The following NCOA7 variants were observed in gnomAD, a reference collection of about 807,000 sequenced individuals.
The protein encoded by NCOA7 is 140 kDa estrogen receptor-associated protein.
Under a neutral mutation model 104.3 loss-of-function variants are expected in NCOA7, and 45 were observed. The ratio of observed to expected loss-of-function variants is 0.43; its 90% CI spans 0.34 to 0.55. The LOEUF is 0.55. Among genes scored for constraint, NCOA7 ranks in the 20% least tolerant of loss-of-function variants. The pLI is 0.02. For synonymous variants in NCOA7, 398 were observed against 402.3 expected, an observed-to-expected ratio of 0.99 and a Z score of 0.13; for missense variants, 1,041 against 1,119.7, an observed-to-expected ratio of 0.93 and a Z score of 1.00.
rs72969787 is a variant in NCOA7, at chr6:125,891,552, A to G, written c.2096+742A>G. 9.9e-3 allele frequency among the ~76,000 whole-genome samples: 1,508 copies of G among 152,312 alleles called. 7 individuals are homozygous for G. The highest frequency in any genetic ancestry group is 0.017 in the Middle Eastern group (5 of 294). ...GTTTTCAACACTGTTAAAACCATGC[A>G]TCTTGCCCCTTAAAAACATCATCAT... On this transcript the variant is annotated intron_variant, in intron 10 of 15. Transcript: ENST00000392477.
chr6:125,819,971 C>A (rs1344209277), intron 2 of NCOA7, among the ~76,000 whole-genome samples: 1 of 152,088 alleles, frequency 6.6e-6, no homozygotes, highest in African/African-American at 2.4e-5. Flanking sequence ...TTACTTTTCC[C>A]CTCTGATAAG....
intron 5 of NCOA7, among the ~76,000 whole-genome samples, chr6:125,880,830 C>G (rs1415850491): frequency 6.6e-6 from 1 of 152,168 alleles, no homozygotes; most frequent in Non-Finnish European, 1.5e-5. Flanking sequence ...CTGTGCCTGG[C>G]CTTGCTCTCC....
At chr6:125,872,644 A>C (rs963893467) in intron 3 of NCOA7, among the ~76,000 whole-genome samples, 3 of 152,218 alleles carry the variant, frequency 2.0e-5, no homozygotes, top group African/African-American at 7.2e-5. Flanking sequence ...AAAAACAAAC[A>C]ATTGAAATTT....
In NCOA7 at chr6:125,905,253, ATTTTTTTTTT is replaced by A. The variant is rs375646356; in HGVS notation, c.2097-10069_2097-10060del. Among the ~76,000 whole-genome samples the A allele has an allele frequency of 2.6e-4, 34 of 131,600 alleles. No individual in the cohort carries two copies. In the Middle Eastern group the frequency reaches 0.011, roughly 43 times the overall value. 86.3% of individuals were successfully genotyped at this position (131,600 alleles called of 152,430 possible). The stretch of plus-strand genomic sequence containing the variant: ...CTAGAGTGGTGAGGGAAGGAATAAG[ATTTTTTTTTT>A]TTTTTTTTTTGAGACAGAGTTTCAC... On this transcript the variant is annotated intron_variant, in intron 10 of 15. Coordinates refer to ENST00000392477, the MANE Select transcript of NCOA7 (RefSeq NM_181782.5).
chr6:125,803,306 A>C (rs1294585938), intron 1 of NCOA7, among the ~76,000 whole-genome samples: 2 of 152,116 alleles, frequency 1.3e-5, no homozygotes, highest in African/African-American at 4.8e-5. Context: ...TAACTTTTTC[A>C]TGCCCCTGTT....
chr6:125,847,046 G>A (rs1167811913), intron 2 of NCOA7, among the ~76,000 whole-genome samples: 1 of 152,180 alleles, frequency 6.6e-6, no homozygotes, highest in African/African-American at 2.4e-5. Flanking sequence ...TATAGTAGGA[G>A]AGAGATTTCA....
chr6:125,888,594 C>T (rs1277703918), intron 8 of NCOA7, among the ~76,000 whole-genome samples: 1 of 152,122 alleles, frequency 6.6e-6, no homozygotes, highest in Admixed American at 6.5e-5. Context: ...TTATCCTTTC[C>T]TTCATGAAAG....
intron 1 of NCOA7, among the ~76,000 whole-genome samples, chr6:125,791,985 A>C (rs1384492910): frequency 2.0e-5 from 3 of 151,684 alleles, no homozygotes; most frequent in African/African-American, 7.3e-5. Context: ...CATCACTGTA[A>C]GCTCCAATTT....
At chr6:125,797,919 A>T (rs888262205) in intron 1 of NCOA7, 1 of 152,228 alleles carries the variant, frequency 6.6e-6, no homozygotes, top group African/African-American at 2.4e-5. Flanking sequence ...TAACTCTGAA[A>T]ACCTTTATAA....
rs772723156 is a variant in NCOA7, at chr6:125,927,765, A to G, written c.2619+7A>G. On this transcript the variant is annotated splice_region_variant and intron_variant, in intron 14 of 15. Transcript: ENST00000392477. ...ATTCAGCCCTCATTTTAAGGTACCT[A>G]GATAGGAGAAATATCCAACTCCCAT... 6 of 1,601,166 alleles carry G rather than the reference A, an allele frequency of 3.7e-6. No individual in the cohort carries two copies. The highest frequency in any genetic ancestry group is 1.7e-5 in the Admixed American group (1 of 60,000).
intron 11 of NCOA7, among the ~76,000 whole-genome samples, chr6:125,917,874 A>C (rs1169909179): frequency 6.6e-6 from 1 of 152,250 alleles, no homozygotes; most frequent in Non-Finnish European, 1.5e-5. Flanking sequence ...ACCCTCAATC[A>C]TGTATGCCTT....
At chr6:125,804,545 C>G (rs374554528) in intron 1 of NCOA7, among the ~76,000 whole-genome samples, 1 of 152,138 alleles carries the variant, frequency 6.6e-6, no homozygotes, top group East Asian at 1.9e-4. Context: ...TTCATTACCT[C>G]CAGTAACTTT....
chr6:125,917,728 A>AG (rs755821543), intron 11 of NCOA7, among the ~76,000 whole-genome samples: 110 of 152,282 alleles, frequency 7.2e-4, no homozygotes, highest in Admixed American at 2.1e-3. Flanking sequence ...CAGTATTTAA[A>AG]GGGGGAAAAG....
At chr6:125,846,501 T>G (rs992228790) in intron 2 of NCOA7, among the ~76,000 whole-genome samples, 7 of 151,720 alleles carry the variant, frequency 4.6e-5, no homozygotes, top group African/African-American at 1.7e-4. Context: ...TCCCAGGGGG[T>G]TTATCATATT....
intron 10 of NCOA7, among the ~76,000 whole-genome samples, chr6:125,899,035 G>A (rs969818428): frequency 1.5e-4 from 23 of 152,176 alleles, no homozygotes; most frequent in African/African-American, 4.8e-4. Flanking sequence ...TATAGTATAT[G>A]TAAATTGCTT....
chr6:125,909,606 C>G (rs1183897380), intron 10 of NCOA7, among the ~76,000 whole-genome samples: 1 of 152,002 alleles, frequency 6.6e-6, no homozygotes, highest in Non-Finnish European at 1.5e-5. Context: ...GTCAGGAGAT[C>G]GAGACCATCC....
At position 125,928,662 on chromosome 6, in the gene NCOA7, C is replaced by T. The variant is rs760412884; in HGVS notation, c.2720C>T (p.Ala907Val). 2 of 1,604,372 alleles carry T rather than the reference C, an allele frequency of 1.2e-6. No homozygotes were observed. The highest frequency in any genetic ancestry group is 2.2e-5 in the South Asian group (2 of 90,078). ...GGGRFGLWLDADLYHGRSNSC... is the reference protein window; with the variant it reads ...GGGRFGLWLDVDLYHGRSNSC... The stretch of plus-strand genomic sequence containing the variant: ...GGACGATTTGGTTTATGGCTAGATG[C>T]TGATTTATACCACGGACGAAGCAAC... Residue 907 changes from alanine to valine, a missense_variant, in exon 16 of 16, where the codon GCT becomes GTT. By Grantham distance (64) the Ala-to-Val change is moderately conservative. Around this residue, in one of 2 missense-constraint regions of NCOA7, gnomAD observed 127 missense variants for 177.0 expected, o/e 0.72. Transcript: ENST00000392477.
rs183240223 is a variant in NCOA7, at chr6:125,853,744, A to G, written c.51-1276A>G. Among the ~76,000 whole-genome samples, 5 of 152,310 alleles carry G rather than the reference A, an allele frequency of 3.3e-5. No homozygotes were observed. The East Asian group carries it at 7.7e-4, about 23-fold the overall frequency. ...GTTTCTGTTTGTGTTATATGTTGAC[A>G]TGTATTATGTCAATTAAGCCTAATA... On this transcript the variant is annotated intron_variant, in intron 2 of 15. Coordinates refer to ENST00000392477, the MANE Select transcript of NCOA7 (RefSeq NM_181782.5).
At chr6:125,832,903 G>T (rs977866091) in intron 2 of NCOA7, among the ~76,000 whole-genome samples, 11 of 152,210 alleles carry the variant, frequency 7.2e-5, no homozygotes, top group African/African-American at 1.9e-4. Context: ...CCACACTGTT[G>T]TGTCACAGCA....
Sources: gnomAD v4.1 joint callset for allele counts (sites outside exome capture counted in the v4.1 genomes callset) on GRCh38, gnomAD v4.1.1 for gene constraint, gnomAD v4.1.1 regional missense constraint, MANE v1.5 for transcripts, NCBI Gene and HGNC (gene_info 2026-07-23, HGNC 2026-07-21) for gene names.